ZNF407: variants seen among roughly 807,000 people sequenced by gnomAD.
ZNF407 encodes the protein zinc finger protein 407.
A neutral mutation model predicts 131.2 loss-of-function variants in ZNF407; 17 were observed. The observed-to-expected ratio is 0.13, with a 90% CI of 0.09 to 0.19. The LOEUF (loss-of-function observed/expected upper bound fraction) is 0.19. Ranked by LOEUF, ZNF407 falls within the 10% of genes least tolerant of loss-of-function variation. The pLI, the probability that ZNF407 is intolerant of heterozygous loss-of-function variation, is 1.00. For missense variants in ZNF407, 2,681 were observed against 2,830.6 expected (o/e 0.95, Z 1.20); for synonymous variants, 1,156 against 1,062.0 (o/e 1.09, Z -1.72).
chr18:74,940,679 A>T (rs1972087409), intron 8 of ZNF407, among the ~76,000 whole-genome samples: 1 of 152,148 alleles, frequency 6.6e-6, no homozygotes. Flanking sequence ...TGTTTCCTTA[A>T]AAACACTGAA....
At chr18:74,676,449 T>TA (rs1986365293) in intron 3 of ZNF407, among the ~76,000 whole-genome samples, 1 of 150,178 alleles carries the variant, frequency 6.7e-6, no homozygotes, top group East Asian at 2.0e-4. Flanking sequence ...TTTTTTTTTT[T>TA]TTTTTGAGAC....
chr18:74,706,694 G>A, intron 3 of ZNF407, among the ~76,000 whole-genome samples: 1 of 152,130 alleles, frequency 6.6e-6, no homozygotes, highest in East Asian at 1.9e-4. Context: ...ATAAAGCAAA[G>A]GGATTGAGAG....
intron 8 of ZNF407, among the ~76,000 whole-genome samples, chr18:75,036,916 C>G (rs2122233308): frequency 6.6e-6 from 1 of 152,328 alleles, no homozygotes; most frequent in Non-Finnish European, 1.5e-5. Context: ...CTTTGGCCAT[C>G]TAATTGCTTC....
intron 3 of ZNF407, among the ~76,000 whole-genome samples, chr18:74,747,797 G>A (rs1968704847): frequency 6.6e-6 from 1 of 152,024 alleles, no homozygotes; most frequent in Admixed American, 6.6e-5. Flanking sequence ...TTTTCATTAT[G>A]AATATAATTT....
intron 8 of ZNF407, among the ~76,000 whole-genome samples, chr18:75,045,833 G>T (rs1283837394): frequency 6.6e-6 from 1 of 152,180 alleles, no homozygotes; most frequent in Non-Finnish European, 1.5e-5. Context: ...GCATTGGGGG[G>T]AGGTAGATGA....
At chr18:74,966,379 T>C (rs974755778) in intron 8 of ZNF407, among the ~76,000 whole-genome samples, 2 of 152,236 alleles carry the variant, frequency 1.3e-5, no homozygotes, top group African/African-American at 4.8e-5. Context: ...TTCTTCTGCA[T>C]GTGGATATCT....
chr18:74,599,380 T>C (rs1408206355), intron 1 of ZNF407, among the ~76,000 whole-genome samples: 1 of 152,170 alleles, frequency 6.6e-6, no homozygotes, highest in African/African-American at 2.4e-5. Context: ...GACAGTTCCA[T>C]TGGTACCTTT....
chr18:75,032,309 G>A (rs999867769), intron 8 of ZNF407, among the ~76,000 whole-genome samples: 22 of 152,142 alleles, frequency 1.4e-4, no homozygotes, highest in Admixed American at 7.9e-4. Context: ...AAATAGTGTC[G>A]AACTTGACAC....
At chr18:75,015,151 T>G (rs1473962097) in intron 8 of ZNF407, among the ~76,000 whole-genome samples, 1 of 152,126 alleles carries the variant, frequency 6.6e-6, no homozygotes, top group Non-Finnish European at 1.5e-5. Flanking sequence ...TACTTTCATG[T>G]GATCTGAAGA....
intron 4 of ZNF407, among the ~76,000 whole-genome samples, chr18:74,833,383 C>T (rs577741756): frequency 7.4e-4 from 113 of 152,332 alleles, no homozygotes; most frequent in African/African-American, 2.6e-3. Flanking sequence ...TTCACTTAAT[C>T]AAACTGTAAT....
chr18:74,729,980 G>A (rs777313111), intron 3 of ZNF407, among the ~76,000 whole-genome samples: 5 of 152,160 alleles, frequency 3.3e-5, no homozygotes, highest in Non-Finnish European at 7.3e-5. Context: ...TTTTTAGATA[G>A]TTAATTGTAA....
chr18:74,779,111 T>TATATATA (rs1599146570), intron 3 of ZNF407, among the ~76,000 whole-genome samples: 1 of 13,410 alleles, frequency 7.5e-5, no homozygotes. Context: ...ATATATATAT[T>TATATATA]TTTTTTTTTT....
intron 4 of ZNF407, among the ~76,000 whole-genome samples, chr18:74,838,315 G>A (rs748409745): frequency 3.3e-5 from 5 of 152,132 alleles, no homozygotes; most frequent in African/African-American, 1.2e-4. Flanking sequence ...TGGGACCTGA[G>A]GACCTCATGC....
chr18:74,794,234 T>C (rs1301842981), intron 4 of ZNF407, among the ~76,000 whole-genome samples: 1 of 152,176 alleles, frequency 6.6e-6, no homozygotes, highest in African/African-American at 2.4e-5. Context: ...GTGTGTATTT[T>C]TCCGGCCAAC....
intron 4 of ZNF407, among the ~76,000 whole-genome samples, chr18:74,838,014 AT>A (rs901615621): frequency 6.6e-6 from 1 of 152,094 alleles, no homozygotes; most frequent in Non-Finnish European, 1.5e-5. Flanking sequence ...TGTTCACTAC[AT>A]TTTTTCAACA....
At chr18:74,961,402 G>A (rs889100112) in intron 8 of ZNF407, among the ~76,000 whole-genome samples, 2 of 152,178 alleles carry the variant, frequency 1.3e-5, no homozygotes, top group Non-Finnish European at 2.9e-5. Flanking sequence ...CTGTAAGACA[G>A]AAGTGGTATA....
chr18:74,736,530 T>G (rs184022670), intron 3 of ZNF407, among the ~76,000 whole-genome samples: 14 of 152,290 alleles, frequency 9.2e-5, no homozygotes, highest in Admixed American at 8.5e-4. Flanking sequence ...ATAATGCAGT[T>G]TCATCACTTC....
At chr18:74,979,815 T>A (rs1972568246) in intron 8 of ZNF407, among the ~76,000 whole-genome samples, 1 of 152,248 alleles carries the variant, frequency 6.6e-6, no homozygotes, top group Admixed American at 6.5e-5. Flanking sequence ...AACACCACTT[T>A]ACGTATCTGT....
chr18:75,034,300 G>GTTTTTTTTTTTTTTTT (rs71170337), intron 8 of ZNF407, among the ~76,000 whole-genome samples: 1 of 115,216 alleles, frequency 8.7e-6, no homozygotes, highest in African/African-American at 3.2e-5. Context: ...TCTGTGTTGG[G>GTTTTTTTTTTTTTTTT]TTTTTTTTTT....
Sources: gnomAD v4.1 joint callset for allele counts (sites outside exome capture counted in the v4.1 genomes callset) on GRCh38, gnomAD v4.1.1 for gene constraint, MANE v1.5 for transcripts, NCBI Gene and HGNC (gene_info 2026-07-23, HGNC 2026-07-21) for gene names.